Variants in XCL2 observed in about 807,000 individuals in gnomAD.
XCL2 encodes X-C motif chemokine ligand 2.
Under a neutral mutation model 7.2 loss-of-function variants are expected in XCL2, and 8 were observed. The ratio of observed to expected loss-of-function variants is 1.10; its 90% CI spans 0.65 to 1.99. The LOEUF (loss-of-function observed/expected upper bound fraction) is 1.99, where lower values mean the gene tolerates loss of function less well. Ranked by LOEUF, XCL2 falls within the 30% of genes most tolerant of loss-of-function variation. XCL2 has a pLI of 0.00. For missense variants in XCL2, 131 were observed against 138.6 expected (o/e 0.94, Z 0.28); for synonymous variants, 46 against 54.2 (o/e 0.85, Z 0.67).
At position 168,541,872 on chromosome 1, in the gene XCL2, G is replaced by A. The variant is rs547905720; in HGVS notation, c.176+121C>T. On this transcript the variant is annotated intron_variant, in intron 2 of 2. Transcript: ENST00000367819. Reference sequence around the variant, plus strand: ...ATAAGGAAAACTAAAGAGGTTTTTGGTTAAGTTGAGGTGTTCCTCTATGCT... The same window carrying A: ...ATAAGGAAAACTAAAGAGGTTTTTGATTAAGTTGAGGTGTTCCTCTATGCT... 128 of 778,682 alleles carry A rather than the reference G, an allele frequency of 1.6e-4. 3 individuals are homozygous for A. The South Asian group carries it at 3.5e-3, about 21-fold the overall frequency. 48.2% of individuals were successfully genotyped at this position (778,682 alleles called of 1,614,324 possible). A position where few individuals can be genotyped will look rare whatever the true frequency, so the allele number is the denominator to read the frequency against.
rs1447666532 is a variant in XCL2 at position 168,541,978 on chromosome 1, A to G, written c.176+15T>C. 3 of 1,609,622 alleles carry G rather than the reference A, an allele frequency of 1.9e-6. No individual in the cohort carries two copies. In the African/African-American group the frequency reaches 4.0e-5, roughly 22 times the overall value. On this transcript the variant is annotated intron_variant, in intron 2 of 2. Transcript: ENST00000367819. ...AGGTACCCACCCAGCCCAACTTCTG[A>G]GGAGGCAGACTCACATTACTGCTCT...
chr1:168,542,267 C>T (rs368347361), intron 1 of XCL2, among the ~76,000 whole-genome samples, 160 bp from the exon 2 acceptor site: 1,963 of 152,054 alleles, frequency 0.013, 20 homozygotes, highest in South Asian at 0.026. Flanking sequence ...ATCTCTTGCC[C>T]GTCACAGATT....
intron 2 of XCL2, 32 bp from the exon 3 acceptor site, chr1:168,541,152 G>A: frequency 6.2e-7 from 1 of 1,609,620 alleles, no homozygotes; most frequent in Non-Finnish European, 8.5e-7. Context: ...GATGAAGTTA[G>A]CCACGTTCTC....
chr1:168,543,609 C>G (rs470289), intron 1 of XCL2, among the ~76,000 whole-genome samples: 1,433 of 118,320 alleles, frequency 0.012, 117 homozygotes, highest in Admixed American at 0.027. Flanking sequence ...GATCATGTCT[C>G]TTATTCTATT....
chr1:168,542,542 C>G (rs1490882117), intron 1 of XCL2, among the ~76,000 whole-genome samples: 1 of 151,824 alleles, frequency 6.6e-6, no homozygotes, highest in African/African-American at 2.4e-5. Flanking sequence ...AGCAGACAGG[C>G]AAACAGAAAA....
At chr1:168,543,832 G>A in intron 1 of XCL2, 72 bp downstream of exon 1, 13 of 1,605,160 alleles carry the variant, frequency 8.1e-6, no homozygotes, top group Admixed American at 3.3e-5. Flanking sequence ...CAAAACCCGA[G>A]TCAAACCCAA....
rs150270111 is a variant in XCL2 at position 168,542,523 on chromosome 1, G to A, written c.62-416C>T. ...TCATAGAGCATATCTTCTCATGAGGGAGCCAGGCAGCAGACAGGCAAACAG... is the reference window on the plus strand; with the variant it reads ...TCATAGAGCATATCTTCTCATGAGGAAGCCAGGCAGCAGACAGGCAAACAG... On this transcript the variant is annotated intron_variant, in intron 1 of 2. Transcript: ENST00000367819. Among the ~76,000 whole-genome samples the A allele has an allele frequency of 9.3e-3, 1,412 of 152,058 alleles. 9 individuals carry two copies. Among genetic ancestry groups the A allele is most frequent in the Middle Eastern group, 0.02 (6 of 294 alleles).
At chr1:168,541,813 C>T (rs1157032128) in intron 2 of XCL2, among the ~76,000 whole-genome samples, 180 bp downstream of exon 2, 2 of 152,076 alleles carry the variant, frequency 1.3e-5, no homozygotes, top group East Asian at 1.9e-4. Flanking sequence ...CTGCAATAAT[C>T]GCTATTCGGT....
chr1:168,541,083 G>T lies in XCL2; in HGVS notation c.214C>A (p.Pro72Thr). Residue 72 changes from proline (P) to threonine (T), a missense_variant, in exon 3 of 3, where the codon CCA (proline) becomes ACA (threonine). Pro to Thr is a conservative substitution (Grantham distance 38). Coordinates refer to ENST00000367819, the MANE Select transcript of XCL2 (RefSeq NM_003175.4). ...TKRGLKVCAD[P>T]QATWVRDVVR... ...ACGTCTCTCACCCACGTGGCTTGTG[G>T]ATCAGCACAGACTTTTAGGCCACGT... is the stretch of plus-strand genomic sequence containing the variant. 1 of 1,613,658 alleles carries T rather than the reference G, an allele frequency of 6.2e-7. No individual in the cohort carries two copies. The highest frequency in any genetic ancestry group is 8.5e-7 in the Non-Finnish European group (1 of 1,179,700).
intron 1 of XCL2, 51 bp from the exon 2 acceptor site, chr1:168,542,158 G>C (rs1391571600): frequency 7.1e-7 from 1 of 1,412,200 alleles, no homozygotes. Context: ...CAATTACCCA[G>C]ATCACAGGAA....
rs772636225 is a variant in XCL2, at chr1:168,543,953, G to T, written c.12C>A (p.Leu4=). Residue 4 remains leucine, a synonymous_variant, in exon 1 of 3, where the codon CTC becomes CTA. Coordinates refer to ENST00000367819, the MANE Select transcript of XCL2 (RefSeq NM_003175.4). MRL[L]ILALLGICSL... is the part of the protein sequence containing the mutation. ...AGCAGATGCCAAGGAGGGCCAGGAT[G>T]AGAAGTCTCATGGCTGAGGTCCCGC... 3 of 1,608,624 alleles carry T rather than the reference G, an allele frequency of 1.9e-6. No homozygotes were observed. Among genetic ancestry groups the T allele is most frequent in the Admixed American group, 3.3e-5 (2 of 59,706 alleles).
At chr1:168,541,717 T>A (rs1654287873) in intron 2 of XCL2, among the ~76,000 whole-genome samples, 1 of 152,132 alleles carries the variant, frequency 6.6e-6, no homozygotes, top group African/African-American at 2.4e-5. Context: ...TAAACCCAGA[T>A]CTCAGAGCTG....
At position 168,540,927 on chromosome 1, in the gene XCL2, G is replaced by A. The variant is rs777744880; in HGVS notation, c.*25C>T. On this transcript the variant is annotated 3_prime_UTR_variant, in exon 3 of 3. Transcript: ENST00000367819. Reference sequence around the variant, plus strand: ...TAAAGTGAAATGAGCTGGCTGGCTGGAGACGGACAGGGTGCCAGAGACTAC... The same window carrying A: ...TAAAGTGAAATGAGCTGGCTGGCTGAAGACGGACAGGGTGCCAGAGACTAC... 6 of 1,609,998 alleles carry A rather than the reference G, an allele frequency of 3.7e-6. No individual in the cohort carries two copies. The highest frequency in any genetic ancestry group is 5.1e-6 in the Non-Finnish European group (6 of 1,176,744).
chr1:168,541,055 A>G lies in XCL2; in HGVS notation c.242T>C (p.Val81Ala). Residue 81 changes from valine to alanine, a missense_variant, in exon 3 of 3, where the codon GTC (valine) becomes GCC (alanine). Transcript: ENST00000367819. ...GTTGGATTTCCTGTCCATGCTCCTG[A>G]CCACGTCTCTCACCCACGTGGCTTG... ...DPQATWVRDVVRSMDRKSNTR... is the reference protein window; with the variant it reads ...DPQATWVRDVARSMDRKSNTR... 6.2e-7 allele frequency: 1 copy of G among 1,613,692 alleles called. No homozygotes were observed. The highest frequency in any genetic ancestry group is 8.5e-7 in the Non-Finnish European group (1 of 1,179,734).
At chr1:168,541,629 A>G (rs949538602) in intron 2 of XCL2, among the ~76,000 whole-genome samples, 1 of 152,034 alleles carries the variant, frequency 6.6e-6, no homozygotes, top group African/African-American at 2.4e-5. Context: ...AAAGTATGGG[A>G]CTCTGCCTAA....
intron 2 of XCL2, 57 bp from the exon 3 acceptor site, chr1:168,541,177 A>G: frequency 1.3e-6 from 2 of 1,596,526 alleles, no homozygotes; most frequent in Non-Finnish European, 8.6e-7. Context: ...CCTCAGGGTC[A>G]GGAGTTAAGA....
intron 2 of XCL2, among the ~76,000 whole-genome samples, chr1:168,541,460 AT>A (rs77465446): frequency 1.1e-4 from 16 of 151,814 alleles, no homozygotes; most frequent in African/African-American, 3.6e-4. Context: ...TACTCATCTT[AT>A]TTTTTTTAAA....
chr1:168,543,829 C>G (rs61801330), intron 1 of XCL2, 75 bp downstream of exon 1: 4 of 1,597,384 alleles, frequency 2.5e-6, no homozygotes, highest in African/African-American at 2.7e-5. Context: ...AGTCAAAACC[C>G]GAGTCAAACC....
intron 1 of XCL2, among the ~76,000 whole-genome samples, chr1:168,542,565 T>C (rs1654312006): frequency 6.6e-6 from 1 of 151,940 alleles, no homozygotes. Flanking sequence ...TCATTTCAAA[T>C]AGTGCAACAT....
Sources: gnomAD v4.1 joint callset for allele counts (sites outside exome capture counted in the v4.1 genomes callset) on GRCh38, gnomAD v4.1.1 for gene constraint, MANE v1.5 for transcripts, NCBI Gene and HGNC (gene_info 2026-07-23, HGNC 2026-07-21) for gene names.